INTS1: variants seen among roughly 807,000 people sequenced by gnomAD.
The protein encoded by INTS1 is integrator complex subunit 1.
A neutral mutation model predicts 241.6 loss-of-function variants in INTS1; 137 were observed. That is an observed-to-expected ratio of 0.57 (90% CI 0.49 to 0.65). INTS1 has a LOEUF of 0.65. INTS1 is among the 30% of genes least tolerant of loss of function. INTS1 has a pLI of 0.00. For missense variants in INTS1, 3,073 were observed against 3,032.2 expected (o/e 1.01, Z -0.32); for synonymous variants, 1,692 against 1,337.8 (o/e 1.26, Z -5.78).
chr7:1,498,403 T>C lies in INTS1; in HGVS notation c.1425+9A>G. The C allele has an allele frequency of 1.2e-6, 2 of 1,613,408 alleles. No individual in the cohort carries two copies. The highest frequency in any genetic ancestry group is 1.7e-6 in the Non-Finnish European group (2 of 1,179,750). ...GCGTGGAGGGCAAGGCCAGGGACCC[T>C]GGGCCTACCTTGGGCGCCAGCTCTG... On this transcript the variant is annotated intron_variant, in intron 10 of 47. Coordinates refer to ENST00000404767, the MANE Select transcript of INTS1 (RefSeq NM_001080453.3).
At chr7:1,501,756 C>G (rs545091018) in intron 3 of INTS1, among the ~76,000 whole-genome samples, 2 of 152,158 alleles carry the variant, frequency 1.3e-5, no homozygotes, top group East Asian at 3.9e-4. Flanking sequence ...AGCAGTCCCC[C>G]AGCTGTGCCA....
In INTS1 at chr7:1,477,567, G is replaced by A; in HGVS notation, c.4921C>T (p.Leu1641Phe). ...CCACCCACCTTCCTCCGGGAGAAGA[G>A]CAGCCTGAGCTGCAGGTCGGGGCAG... ...SSCPDLQLRL[L>F]FSRRKGKGQA... The change falls in exon 35 of 48, where the codon CTC becomes TTC. Residue 1641 changes from leucine to phenylalanine, a missense_variant. Physicochemically the swap from Leu to Phe is conservative, Grantham distance 22 (BLOSUM62 0). Transcript: ENST00000404767. 4 of 1,532,420 alleles carry A rather than the reference G, an allele frequency of 2.6e-6. No homozygotes were observed. Among genetic ancestry groups the A allele is most frequent in the Middle Eastern group, 2.1e-4 (1 of 4,776 alleles). The allele number at this position is 1,532,420 out of a possible 1,614,324, so 94.9% of individuals were successfully genotyped here. A position where few individuals can be genotyped will look rare whatever the true frequency, so the allele number is the denominator to read the frequency against.
At chr7:1,484,523 G>A (rs569398031) in intron 24 of INTS1, among the ~76,000 whole-genome samples, 2 of 152,352 alleles carry the variant, frequency 1.3e-5, no homozygotes, top group South Asian at 2.1e-4. Context: ...AGAGAACCGT[G>A]ATGCAAAGTG....
intron 24 of INTS1, among the ~76,000 whole-genome samples, chr7:1,484,802 G>A (rs1782172333): frequency 6.6e-6 from 1 of 152,172 alleles, no homozygotes; most frequent in African/African-American, 2.4e-5. Context: ...GACACAGGTG[G>A]CCACGGGGTC....
intron 18 of INTS1, among the ~76,000 whole-genome samples, 186 bp from the exon 19 acceptor site, chr7:1,488,143 C>T (rs1782368080): frequency 6.6e-6 from 1 of 152,200 alleles, no homozygotes; most frequent in African/African-American, 2.4e-5. Context: ...GAAGCCGCAG[C>T]GCTGCCCAGA....
Position 1,481,126 on chromosome 7 carries a change from G to A in INTS1, c.3851-193C>T. 1 of 707,690 alleles carries A rather than the reference G, an allele frequency of 1.4e-6. No individual in the cohort carries two copies. The highest frequency in any genetic ancestry group is 2.4e-6 in the Non-Finnish European group (1 of 409,674). 43.8% of individuals were successfully genotyped at this position (707,690 alleles called of 1,614,324 possible). A position where few individuals can be genotyped will look rare whatever the true frequency, so the allele number is the denominator to read the frequency against. On this transcript the variant is annotated intron_variant, in intron 28 of 47. Coordinates refer to ENST00000404767, the MANE Select transcript of INTS1 (RefSeq NM_001080453.3). The surrounding 1 kb of genome is among the most constrained non-coding windows in gnomAD (Gnocchi z 6.8). ...CCAAGCTCAAAACACGGCCCTAGGGGGTGCCTGGCCCCAGGGTTGGGGCAG... is the reference window on the plus strand; with the variant it reads ...CCAAGCTCAAAACACGGCCCTAGGGAGTGCCTGGCCCCAGGGTTGGGGCAG...
rs1035541151 is a variant in INTS1, at chr7:1,471,631, C to T, written c.6195G>A (p.Glu2065=). The stretch of plus-strand genomic sequence containing the variant: ...ACATCTCGTCTATGTCACTCAGAAC[C>T]TCCAGCAGATCTGACACAGAGAGAG... ...SRGQTVEDLL[E]VLSDIDEMSR... Residue 2065 remains glutamate, a synonymous_variant, in exon 45 of 48, where the codon GAG becomes GAA. Coordinates refer to ENST00000404767, the MANE Select transcript of INTS1 (RefSeq NM_001080453.3). The T allele has an allele frequency of 4.3e-6, 7 of 1,612,182 alleles. No individual in the cohort carries two copies. In the African/African-American group the frequency reaches 6.7e-5, roughly 15 times the overall value.
Position 1,476,058 on chromosome 7 carries a change from G to T in INTS1, c.5392C>A (p.Arg1798Ser). The change falls in exon 39 of 48, where the codon CGC becomes AGC. Residue 1798 changes from arginine to serine, a missense_variant. By Grantham distance (110) the Arg-to-Ser change is moderately radical. Coordinates refer to ENST00000404767, the MANE Select transcript of INTS1 (RefSeq NM_001080453.3). ...AGCTGCAGGAGAAGGTCTCGGCAGC[G>T]CCTGCCCAGCACGCTGGAAGAGGTG... ...QQWGDSVLGRRCRDLLLQLYL... is the reference protein window; with the variant it reads ...QQWGDSVLGRSCRDLLLQLYL... 2 of 1,543,924 alleles carry T rather than the reference G, an allele frequency of 1.3e-6. No homozygotes were observed. Among genetic ancestry groups the T allele is most frequent in the Non-Finnish European group, 8.7e-7 (1 of 1,146,386 alleles).
At chr7:1,503,319 G>T in intron 2 of INTS1, 128 bp from the exon 3 acceptor site, 1 of 974,336 alleles carries the variant, frequency 1.0e-6, no homozygotes, top group Non-Finnish European at 1.5e-6. Context: ...AGAAGCCAGA[G>T]CTCACTCAGC....
Position 1,502,935 on chromosome 7 carries a change from C to A in INTS1, c.315G>T (p.Pro105=). ...GCACCACAGATGGCTCTTTAATCGACGGAGAAATGGCTCGTTTTTCTGCCA... is the reference window on the plus strand; with the variant it reads ...GCACCACAGATGGCTCTTTAATCGAAGGAGAAATGGCTCGTTTTTCTGCCA... ...AAVAEKRAIS[P]SIKEPSVVPI... Residue 105 remains proline, a synonymous_variant, in exon 3 of 48, where the codon CCG becomes CCT. Transcript: ENST00000404767. The A allele has an allele frequency of 1.2e-6, 2 of 1,613,852 alleles. No individual in the cohort carries two copies. The highest frequency in any genetic ancestry group is 2.2e-5 in the East Asian group (1 of 44,870).
chr7:1,475,565 C>T (rs1781674226), intron 39 of INTS1, among the ~76,000 whole-genome samples: 2 of 152,136 alleles, frequency 1.3e-5, no homozygotes, highest in East Asian at 3.9e-4. Flanking sequence ...GCTCTCCCCA[C>T]CAGGGTCACT....
chr7:1,486,919 G>A lies in INTS1; in HGVS notation c.2826+3C>T, dbSNP rs374866465. ...GGGGGGCTGAGGGGTGGGCGGCCCT[G>A]ACCTGCCGCTTCTTGGCCTTCTGCT... On this transcript the variant is annotated splice_donor_region_variant and intron_variant, in intron 21 of 47. Transcript: ENST00000404767. The A allele has an allele frequency of 7.3e-5, 116 of 1,594,688 alleles. No homozygotes were observed. Among genetic ancestry groups the A allele is most frequent in the Non-Finnish European group, 9.7e-5 (114 of 1,175,102 alleles).
At chr7:1,502,799 G>A (rs1417368103) in intron 3 of INTS1, 102 bp downstream of exon 3, 18 of 1,282,746 alleles carry the variant, frequency 1.4e-5, no homozygotes, top group East Asian at 1.4e-4. Context: ...AAAGGACCTC[G>A]GCCATACGGG....
chr7:1,473,818 C>A, intron 41 of INTS1, 125 bp from the exon 42 acceptor site: 1 of 1,240,564 alleles, frequency 8.1e-7, no homozygotes. Flanking sequence ...CCTCTGCCAA[C>A]CACTGGGGCG....
chr7:1,482,321 G>A (rs1562495922), intron 27 of INTS1: 1 of 434,748 alleles, frequency 2.3e-6, no homozygotes, highest in South Asian at 6.2e-5. Context: ...GAGCCTGACA[G>A]TAAGACCCTC....
chr7:1,502,038 C>T (rs1446505651), intron 3 of INTS1, among the ~76,000 whole-genome samples: 2 of 152,162 alleles, frequency 1.3e-5, no homozygotes, highest in Non-Finnish European at 2.9e-5. Flanking sequence ...CAGGCTTGCA[C>T]TGCAGCAGCC....
At position 1,504,314 on chromosome 7, in the gene INTS1, C is replaced by T; in HGVS notation, c.-42+9G>A. On this transcript the variant is annotated intron_variant, in intron 1 of 47. Coordinates refer to ENST00000404767, the MANE Select transcript of INTS1 (RefSeq NM_001080453.3). ...CAATGAGGAAGCGCCCAGGCCGCGG[C>T]TCACTTACCTCTGGCCCATCGCGAC... The T allele has an allele frequency of 1.9e-6, 1 of 533,000 alleles. No homozygotes were observed. The allele number at this position is 533,000 out of a possible 1,614,324, so 33.0% of individuals were successfully genotyped here.
At chr7:1,495,129 T>A (rs1207967192) in intron 13 of INTS1, among the ~76,000 whole-genome samples, 1 of 123,916 alleles carries the variant, frequency 8.1e-6, no homozygotes, top group East Asian at 2.7e-4. Flanking sequence ...CTTTACAAAA[T>A]CGCTGCAGAG....
At position 1,497,613 on chromosome 7, in the gene INTS1, G is replaced by A. The variant is rs753919393; in HGVS notation, c.1426-299C>T. 6.6e-6 allele frequency among the ~76,000 whole-genome samples: 1 copy of A among 152,210 alleles called. No homozygotes were observed. Among genetic ancestry groups the A allele is most frequent in the East Asian group, 1.9e-4 (1 of 5,184 alleles). ...CCAGGCGGCAAAGCCATAGAAGCGC[G>A]TGTGCCATCTCAGCCCACCCGTGCG... On this transcript the variant is annotated intron_variant, in intron 10 of 47. Coordinates refer to ENST00000404767, the MANE Select transcript of INTS1 (RefSeq NM_001080453.3). This position sits in a 1 kb window ranked among gnomAD's most constrained non-coding sequence, Gnocchi z 5.3.
Sources: allele counts gnomAD v4.1 joint callset (sites outside exome capture counted in the v4.1 genomes callset), GRCh38; gene constraint gnomAD v4.1.1; non-coding constraint Gnocchi (gnomAD v3.1); transcripts MANE v1.5; gene names NCBI Gene and HGNC (gene_info 2026-07-23, HGNC 2026-07-21).